RIIAD1: variants seen among roughly 807,000 people sequenced by gnomAD.
RIIAD1 encodes the protein RIIa domain-containing protein 1.
Under a neutral mutation model 13.3 loss-of-function variants are expected in RIIAD1, and 15 were observed. That is an observed-to-expected ratio of 1.13 (90% CI 0.76 to 1.74). The LOEUF (loss-of-function observed/expected upper bound fraction) is 1.74. RIIAD1 is among the 40% of genes most tolerant of loss of function. RIIAD1 has a pLI of 0.00. For synonymous variants in RIIAD1, 50 were observed against 43.3 expected (o/e 1.16, Z -0.61); for missense variants, 121 against 112.2 (o/e 1.08, Z -0.35).
intron 3 of RIIAD1, chr1:151,714,288 C>A: frequency 1.7e-6 from 1 of 577,428 alleles, no homozygotes; most frequent in Non-Finnish European, 3.1e-6. Flanking sequence ...AGACTTTTCC[C>A]CACACCTTCC....
At chr1:151,713,266 G>A (rs1397219278) in intron 2 of RIIAD1, among the ~76,000 whole-genome samples, 1 of 152,144 alleles carries the variant, frequency 6.6e-6, no homozygotes, top group East Asian at 1.9e-4. Flanking sequence ...CCTCAAGAAG[G>A]GCAGGTGGTG....
At chr1:151,718,829 C>T (rs963823722), upstream of RIIAD1, among the ~76,000 whole-genome samples, 14 of 152,104 alleles carry the variant, frequency 9.2e-5, no homozygotes, top group Non-Finnish European at 1.8e-4. Context: ...ACCTACCCCA[C>T]CCCCACTGCT....
In RIIAD1 at chr1:151,729,022, T is replaced by A. The variant is rs893658934; in HGVS notation, c.*57+129T>A. The A allele has an allele frequency of 1.3e-5, 8 of 595,260 alleles. No individual in the cohort carries two copies. In the African/African-American group the frequency reaches 1.5e-4, roughly 11 times the overall value. 36.9% of individuals were successfully genotyped at this position (595,260 alleles called of 1,614,324 possible). A position where few individuals can be genotyped will look rare whatever the true frequency, so the allele number is the denominator to read the frequency against. On this transcript the variant is annotated intron_variant, in intron 4 of 4. Transcript: ENST00000479191. ...AGAGAAGTTTAATGTAAATGTTTAG[T>A]TTTTCCTCTACTGTTTTGGGGAATT...
intron 4 of RIIAD1, chr1:151,716,497 C>T: frequency 3.1e-6 from 1 of 324,806 alleles, no homozygotes. Flanking sequence ...GGGGCCCACT[C>T]CTGATGTGGG....
At chr1:151,717,770 T>G (rs1673594872), upstream of RIIAD1, among the ~76,000 whole-genome samples, 1 of 152,208 alleles carries the variant, frequency 6.6e-6, no homozygotes, top group Non-Finnish European at 1.5e-5. Flanking sequence ...TGGACTCAAA[T>G]TGAGCCAGGT....
In RIIAD1 at chr1:151,728,788, T is replaced by A; in HGVS notation, c.231T>A (p.Leu77=). 6.5e-7 allele frequency: 1 copy of A among 1,543,786 alleles called. No homozygotes were observed. The highest frequency in any genetic ancestry group is 8.8e-7 in the Non-Finnish European group (1 of 1,140,040). Reference sequence around the variant, plus strand: ...CAGACTACTTCACGGATCCAAGACTTCCCAACAAGATTCACATGCAGCTAA... The same window carrying A: ...CAGACTACTTCACGGATCCAAGACTACCCAACAAGATTCACATGCAGCTAA... ...FAADYFTDPR[L]PNKIHMQLIK... is the part of the protein sequence containing the mutation. Residue 77 remains leucine (L), a synonymous_variant, in exon 4 of 5, where the codon CTT becomes CTA. Transcript: ENST00000479191.
At chr1:151,724,907 C>T (rs1409452859) in intron 2 of RIIAD1, among the ~76,000 whole-genome samples, 1 of 151,474 alleles carries the variant, frequency 6.6e-6, no homozygotes, top group Admixed American at 6.6e-5. Flanking sequence ...TCACGCCATT[C>T]TCCTGCCTCA....
At chr1:151,714,079 T>A (rs1673252572) in intron 3 of RIIAD1, among the ~76,000 whole-genome samples, 1 of 152,180 alleles carries the variant, frequency 6.6e-6, no homozygotes, top group Non-Finnish European at 1.5e-5. Flanking sequence ...TCTGTGGCTC[T>A]GTTCCTGGGA....
intron 3 of RIIAD1, among the ~76,000 whole-genome samples, chr1:151,714,026 C>G (rs1193598212): frequency 6.6e-6 from 1 of 152,220 alleles, no homozygotes; most frequent in African/African-American, 2.4e-5. Flanking sequence ...ACCTCCAGCC[C>G]AGACCTGCCC....
At chr1:151,715,679 C>T in intron 4 of RIIAD1, 1 of 1,526,750 alleles carries the variant, frequency 6.5e-7, no homozygotes, top group Non-Finnish European at 8.8e-7. Flanking sequence ...CAAAAGAGGC[C>T]CTCCTTAGTC....
At chr1:151,713,914 G>A (rs1015086416) in intron 3 of RIIAD1, among the ~76,000 whole-genome samples, 19 of 152,190 alleles carry the variant, frequency 1.2e-4, no homozygotes, top group African/African-American at 3.6e-4. Context: ...CAGGAGAGGG[G>A]CCACCTCTGA....
intron 3 of RIIAD1, among the ~76,000 whole-genome samples, chr1:151,728,116 C>A (rs1223237652): frequency 1.3e-5 from 2 of 152,358 alleles, no homozygotes; most frequent in East Asian, 3.9e-4. Flanking sequence ...TGGACGATTT[C>A]TTGGTTCCTG....
intron 4 of RIIAD1, chr1:151,716,109 C>G: frequency 5.0e-6 from 7 of 1,386,298 alleles, no homozygotes; most frequent in East Asian, 2.4e-5. Context: ...AGTGGTGGGG[C>G]CCGGGGGCCC....
chr1:151,722,116 C>G lies in RIIAD1; in HGVS notation c.115C>G (p.Leu39Val). 1.9e-6 allele frequency: 3 copies of G among 1,551,320 alleles called. No homozygotes were observed. The highest frequency in any genetic ancestry group is 2.6e-6 in the Non-Finnish European group (3 of 1,146,720). The change falls in exon 2 of 5, where the codon CTA (leucine) becomes GTA (valine). Residue 39 changes from leucine to valine, a missense_variant. Coordinates refer to ENST00000479191, the MANE Select transcript of RIIAD1 (RefSeq NM_001144956.3). ...GACTCGGATTGCTAACGAAAAGTAC[C>G]TAAGGACCCACAAAGAAGTAGAGTG... ...IQTRIANEKY[L>V]RTHKEVEWLI...
At chr1:151,712,552 G>A (rs1233183365) in intron 2 of RIIAD1, among the ~76,000 whole-genome samples, 1 of 152,138 alleles carries the variant, frequency 6.6e-6, no homozygotes, top group Non-Finnish European at 1.5e-5. Flanking sequence ...GGGAAGAGCT[G>A]GACAGAGGGC....
chr1:151,715,315 C>T (rs1400646258), intron 4 of RIIAD1, among the ~76,000 whole-genome samples: 1 of 152,080 alleles, frequency 6.6e-6, no homozygotes, highest in African/African-American at 2.4e-5. Context: ...TTCTCCCCCA[C>T]TCTCTTAACT....
rs1164009448 is a variant in RIIAD1, at chr1:151,728,856, C to T, written c.*20C>T. ...GCTTAATTAGCAAAATCATGATGCT[C>T]AGCTGTTGGGAGAGACCAGACGGAA... On this transcript the variant is annotated 3_prime_UTR_variant, in exon 4 of 5. Coordinates refer to ENST00000479191, the MANE Select transcript of RIIAD1 (RefSeq NM_001144956.3). 3.5e-6 allele frequency: 5 copies of T among 1,435,234 alleles called. No individual in the cohort carries two copies. Among genetic ancestry groups the T allele is most frequent in the African/African-American group, 1.4e-5 (1 of 70,856 alleles). The allele number at this position is 1,435,234 out of a possible 1,614,324, so 88.9% of individuals were successfully genotyped here. A position where few individuals can be genotyped will look rare whatever the true frequency, so the allele number is the denominator to read the frequency against.
chr1:151,719,765 C>A, upstream of RIIAD1: 1 of 648,300 alleles, frequency 1.5e-6, no homozygotes. Context: ...CCCTCTCATA[C>A]ATGGGCATTT....
At chr1:151,711,784 C>A (rs1428981928) in intron 1 of RIIAD1, 1 of 152,288 alleles carries the variant, frequency 6.6e-6, no homozygotes, top group Non-Finnish European at 1.5e-5. Context: ...TTGGGGGATT[C>A]TTACGCTTGG....
Sources: gnomAD v4.1 joint callset for allele counts (sites outside exome capture counted in the v4.1 genomes callset) on GRCh38, gnomAD v4.1.1 for gene constraint, MANE v1.5 for transcripts, NCBI Gene and HGNC (gene_info 2026-07-23, HGNC 2026-07-21) for gene names.